Variants in DDIAS observed in about 807,000 individuals in gnomAD.
The protein encoded by DDIAS is DNA damage-induced apoptosis suppressor protein.
Under a neutral mutation model 15.7 loss-of-function variants are expected in DDIAS, and 14 were observed. That is an observed-to-expected ratio of 0.89 (90% CI 0.59 to 1.39). DDIAS has a LOEUF of 1.39. DDIAS is among the 40% of genes most tolerant of loss of function. The pLI, the probability that DDIAS is intolerant of heterozygous loss-of-function variation, is 0.00. For synonymous variants in DDIAS, 355 were observed against 395.9 expected, an observed-to-expected ratio of 0.90 and a Z score of 1.23; for missense variants, 1,035 against 1,130.9, an observed-to-expected ratio of 0.92 and a Z score of 1.22.
intron 1 of DDIAS, among the ~76,000 whole-genome samples, chr11:82,912,332 A>C (rs1269135197): frequency 6.6e-6 from 1 of 152,170 alleles, no homozygotes; most frequent in East Asian, 1.9e-4. Context: ...ACTAGTTAAG[A>C]TCTACTTATC....
Position 82,932,479 on chromosome 11 carries a change from C to T in DDIAS, c.1141C>T (p.Pro381Ser). The T allele has an allele frequency of 6.2e-7, 1 of 1,614,134 alleles. No homozygotes were observed. The highest frequency in any genetic ancestry group is 8.5e-7 in the Non-Finnish European group (1 of 1,180,018). The change falls in exon 6 of 6, where the codon CCA becomes TCA. Residue 381 changes from proline (P) to serine (S), a missense_variant. Transcript: ENST00000533655. ...TTTTCAGCATCATGGTATAGATACC[C>T]CAACTAGCCTTCAGAAGAGATCTGC... ...PCFQHHGIDT[P>S]TSLQKRSACC...
intron 1 of DDIAS, among the ~76,000 whole-genome samples, chr11:82,910,570 C>T (rs887860925): frequency 3.5e-4 from 53 of 149,820 alleles, no homozygotes; most frequent in African/African-American, 1.2e-3. Flanking sequence ...CACACCCTGC[C>T]ACAGATCAAG....
chr11:82,911,738 AACTT>A (rs1395886346), intron 1 of DDIAS, among the ~76,000 whole-genome samples: 1 of 152,224 alleles, frequency 6.6e-6, no homozygotes, highest in Non-Finnish European at 1.5e-5. Context: ...GAAGATTTTC[AACTT>A]ACTTTGCCCA....
chr11:82,926,112 G>A (rs1433044247), intron 3 of DDIAS, among the ~76,000 whole-genome samples: 1 of 118,290 alleles, frequency 8.5e-6, no homozygotes, highest in African/African-American at 3.4e-5. Context: ...TTTTGAGACA[G>A]GGTCTGGCTC....
At chr11:82,920,121 A>G (rs1015475444) in intron 3 of DDIAS, among the ~76,000 whole-genome samples, 4 of 151,014 alleles carry the variant, frequency 2.6e-5, no homozygotes, top group Non-Finnish European at 5.9e-5. Context: ...GGAGGGTTGT[A>G]TTTTTCCAGG....
chr11:82,903,357 G>A (rs952188264), intron 1 of DDIAS, among the ~76,000 whole-genome samples: 3 of 152,272 alleles, frequency 2.0e-5, no homozygotes, highest in African/African-American at 7.2e-5. Context: ...GGGATATGAA[G>A]GAAAGGGAGG....
At chr11:82,918,972 T>C (rs1411907987) in intron 3 of DDIAS, among the ~76,000 whole-genome samples, 1 of 152,220 alleles carries the variant, frequency 6.6e-6, no homozygotes, top group Non-Finnish European at 1.5e-5. Context: ...CTGAATTCTT[T>C]TATCAGTTCT....
Position 82,934,377 on chromosome 11 carries a change from GGA to G in DDIAS, c.*43_*44del, listed in dbSNP as rs1565253530. 6 of 1,517,616 alleles carry G rather than the reference GGA, an allele frequency of 4.0e-6. No individual in the cohort carries two copies. The highest frequency in any genetic ancestry group is 5.3e-6 in the Non-Finnish European group (6 of 1,131,714). The allele number at this position is 1,517,616 out of a possible 1,614,324, so 94.0% of individuals were successfully genotyped here. A position where few individuals can be genotyped will look rare whatever the true frequency, so the allele number is the denominator to read the frequency against. ...AATTCCTGAACTTTTAAATCTGTTT[GGA>G]AATGTTTGCCTTCAGGGGTACGGAA... On this transcript the variant is annotated 3_prime_UTR_variant, in exon 6 of 6. Transcript: ENST00000533655.
chr11:82,902,566 C>T (rs1860342930), intron 1 of DDIAS, among the ~76,000 whole-genome samples: 1 of 152,204 alleles, frequency 6.6e-6, no homozygotes, highest in South Asian at 2.1e-4. Context: ...ACATGACTTA[C>T]AGACTCTTTC....
In DDIAS at chr11:82,917,084, C is replaced by A. The variant is rs75459425; in HGVS notation, c.113+2233C>A. On this transcript the variant is annotated intron_variant, in intron 3 of 5. Coordinates refer to ENST00000533655, the MANE Select transcript of DDIAS (RefSeq NM_145018.4). Reference sequence around the variant, plus strand: ...GGAAACATAGTCCATGGAAATATAACCTGTTTTCTGCATATACTACATTGA... The same window carrying A: ...GGAAACATAGTCCATGGAAATATAAACTGTTTTCTGCATATACTACATTGA... Among the ~76,000 whole-genome samples the A allele has an allele frequency of 1.8e-3, 281 of 152,228 alleles. 8 individuals are homozygous for A. The East Asian group carries it at 0.051, about 27-fold the overall frequency.
intron 2 of DDIAS, chr11:82,913,675 G>C (rs1417353877): frequency 4.6e-6 from 2 of 435,296 alleles, no homozygotes; most frequent in Admixed American, 2.8e-5. Flanking sequence ...TGAGCACACT[G>C]AAATCTAATA....
intron 3 of DDIAS, among the ~76,000 whole-genome samples, chr11:82,928,326 G>A (rs1202411439): frequency 2.6e-5 from 4 of 150,944 alleles, no homozygotes; most frequent in Admixed American, 6.6e-5. Context: ...AGCCTCCCAA[G>A]TAGCTGGGAT....
intron 3 of DDIAS, among the ~76,000 whole-genome samples, chr11:82,922,294 C>G (rs1242418476): frequency 1.3e-5 from 2 of 152,124 alleles, no homozygotes; most frequent in African/African-American, 2.4e-5. Flanking sequence ...AATTATTCAC[C>G]CAAATATGTT....
intron 4 of DDIAS, 60 bp downstream of exon 4, chr11:82,928,998 T>C (rs1307169365): frequency 1.3e-6 from 2 of 1,524,232 alleles, no homozygotes; most frequent in East Asian, 2.3e-5. Flanking sequence ...GATACAAGTT[T>C]ATAAGGCAAT....
intron 1 of DDIAS, among the ~76,000 whole-genome samples, chr11:82,903,249 G>T (rs1860359932): frequency 6.6e-6 from 1 of 152,218 alleles, no homozygotes; most frequent in Non-Finnish European, 1.5e-5. Context: ...AGATAATGGT[G>T]ATTTGGATTA....
rs541845327 is a variant in DDIAS at position 82,928,177 on chromosome 11, C to CTTTTTTTTTTTTTT, written c.114-574_114-561dup. Among the ~76,000 whole-genome samples, 7 of 34,208 alleles carry CTTTTTTTTTTTTTT rather than the reference C, an allele frequency of 2.0e-4. 2 individuals are homozygous for CTTTTTTTTTTTTTT. Among genetic ancestry groups the CTTTTTTTTTTTTTT allele is most frequent in the African/African-American group, 4.9e-4 (5 of 10,284 alleles). 22.4% of individuals were successfully genotyped at this position (34,208 alleles called of 152,430 possible). On this transcript the variant is annotated intron_variant, in intron 3 of 5. Coordinates refer to ENST00000533655, the MANE Select transcript of DDIAS (RefSeq NM_145018.4). ...ATATTTTGAGATTATTTTTTGTCCTCTTTTTTTTTTTTTTTTTTTTTTTTT... is the reference window on the plus strand; with the variant it reads ...ATATTTTGAGATTATTTTTTGTCCTCTTTTTTTTTTTTTTTTTTTTTTTTTTTTTTTTTTTTTTT...
At chr11:82,911,756 C>A (rs951460289) in intron 1 of DDIAS, among the ~76,000 whole-genome samples, 7 of 152,182 alleles carry the variant, frequency 4.6e-5, no homozygotes, top group African/African-American at 1.7e-4. Flanking sequence ...TTGCCCAGAT[C>A]CATCAGAATA....
chr11:82,932,852 C>G lies in DDIAS; in HGVS notation c.1514C>G (p.Pro505Arg). Residue 505 changes from proline to arginine, a missense_variant, in exon 6 of 6, where the codon CCT becomes CGT. By Grantham distance (103) the Pro-to-Arg change is moderately radical (BLOSUM62 -2). Coordinates refer to ENST00000533655, the MANE Select transcript of DDIAS (RefSeq NM_145018.4). ...FLFNCKGNLS[P>R]SVEKESQPDN... is the part of the protein sequence containing the mutation. ...TTCAACTGTAAAGGAAATCTAAGTC[C>G]TAGTGTTGAAAAGGAGTCACAACCA... 1 of 1,613,354 alleles carries G rather than the reference C, an allele frequency of 6.2e-7. No homozygotes were observed. The highest frequency in any genetic ancestry group is 8.5e-7 in the Non-Finnish European group (1 of 1,179,922).
chr11:82,907,413 G>A (rs1419075463), intron 1 of DDIAS, among the ~76,000 whole-genome samples: 1 of 152,190 alleles, frequency 6.6e-6, no homozygotes, highest in Non-Finnish European at 1.5e-5. Context: ...CATTCCCTTT[G>A]TTAATAAAGA....
Sources: allele counts gnomAD v4.1 joint callset (sites outside exome capture counted in the v4.1 genomes callset), GRCh38; gene constraint gnomAD v4.1.1; transcripts MANE v1.5; gene names NCBI Gene and HGNC (gene_info 2026-07-23, HGNC 2026-07-21).